NKAIN3: variants seen among roughly 807,000 people sequenced by gnomAD.
NKAIN3 encodes the protein sodium/potassium transporting ATPase interacting 3.
NKAIN3 carries 25 observed loss-of-function variants against 30.2 expected under a neutral mutation model. That is an observed-to-expected ratio of 0.83 (90% CI 0.60 to 1.16). The LOEUF (loss-of-function observed/expected upper bound fraction) is 1.16, where lower values mean the gene tolerates loss of function less well. Among genes scored for constraint, NKAIN3 ranks in the 50% most tolerant of loss-of-function variants. The pLI is 0.00. For synonymous variants in NKAIN3, 91 were observed against 89.6 expected, an observed-to-expected ratio of 1.02 and a Z score of -0.09; for missense variants, 225 against 254.1, an observed-to-expected ratio of 0.89 and a Z score of 0.78.
Position 62,919,480 on chromosome 8 carries a change from C to T in NKAIN3, c.532+967C>T, listed in dbSNP as rs1366684384. On this transcript the variant is annotated intron_variant, in intron 5 of 6. Coordinates refer to ENST00000623646, the MANE Select transcript of NKAIN3 (RefSeq NM_001304533.3). ...CAGGATGGTCTCGATCTCCTGACCTCGTGATCCACCCGCCTCGGCCTCCCA... is the reference window on the plus strand; with the variant it reads ...CAGGATGGTCTCGATCTCCTGACCTTGTGATCCACCCGCCTCGGCCTCCCA... Among the ~76,000 whole-genome samples, 5 of 151,882 alleles carry T rather than the reference C, an allele frequency of 3.3e-5. No homozygotes were observed. The South Asian group carries it at 6.2e-4, about 19-fold the overall frequency.
chr8:62,460,346 G>T (rs1805956897), intron 1 of NKAIN3, among the ~76,000 whole-genome samples: 3 of 151,578 alleles, frequency 2.0e-5, no homozygotes, highest in Non-Finnish European at 4.4e-5. Flanking sequence ...CAGGAGGCTG[G>T]GTTGCCGTGA....
intron 1 of NKAIN3, among the ~76,000 whole-genome samples, chr8:62,288,025 A>G (rs2882743): frequency 0.027 from 4,132 of 152,230 alleles, 174 homozygotes; most frequent in African/African-American, 0.092. Context: ...TAGCCTATGA[A>G]GGCTTTTATT....
rs1823840412 is a variant in NKAIN3 at position 62,971,782 on chromosome 8, G to GA, written c.*6381dup. ...TTGTAGTACTTTATAACACATTCTA[G>GA]AAAAAATGTACATATATTCTTCAGT... On this transcript the variant is annotated 3_prime_UTR_variant, in exon 7 of 7. Transcript: ENST00000623646. Among the ~76,000 whole-genome samples, 2 of 152,124 alleles carry GA rather than the reference G, an allele frequency of 1.3e-5. No homozygotes were observed. Among genetic ancestry groups the GA allele is most frequent in the African/African-American group, 4.8e-5 (2 of 41,428 alleles).
chr8:62,964,528 G>GAA, intron 6 of NKAIN3, among the ~76,000 whole-genome samples: 1 of 106,406 alleles, frequency 9.4e-6, no homozygotes, highest in East Asian at 3.4e-4. Flanking sequence ...GAGAAAGAGA[G>GAA]AGAGAGAGAG....
chr8:62,599,368 A>G (rs1810924707), intron 3 of NKAIN3, among the ~76,000 whole-genome samples: 1 of 152,030 alleles, frequency 6.6e-6, no homozygotes, highest in African/African-American at 2.4e-5. Context: ...GTCTGTCTAT[A>G]CTTGGGTAAT....
At chr8:62,609,648 A>C (rs1163913445) in intron 3 of NKAIN3, among the ~76,000 whole-genome samples, 1 of 152,168 alleles carries the variant, frequency 6.6e-6, no homozygotes, top group African/African-American at 2.4e-5. Flanking sequence ...ATTAAGTGCT[A>C]TCAAGAGAAA....
intron 3 of NKAIN3, among the ~76,000 whole-genome samples, chr8:62,667,317 A>T (rs980042668): frequency 7.8e-6 from 1 of 127,822 alleles, no homozygotes; most frequent in African/African-American, 3.7e-5. Flanking sequence ...ATATATATTT[A>T]TATATATATA....
chr8:62,949,685 C>T lies in NKAIN3; in HGVS notation c.533-4217C>T, dbSNP rs181315988. Among the ~76,000 whole-genome samples, 27 of 151,436 alleles carry T rather than the reference C, an allele frequency of 1.8e-4. No individual in the cohort carries two copies. The East Asian group carries it at 4.7e-3, about 26-fold the overall frequency. On this transcript the variant is annotated intron_variant, in intron 5 of 6. Transcript: ENST00000623646. ...AGAGAGCAGCCCACTGTGTGGCTGG[C>T]TTTTCTGGATAGTTGATGCCAACCC...
chr8:62,518,925 A>G (rs578051840), intron 1 of NKAIN3, among the ~76,000 whole-genome samples: 1 of 152,142 alleles, frequency 6.6e-6, no homozygotes, highest in African/African-American at 2.4e-5. Context: ...TCTACTATGA[A>G]GGGATTTACT....
Position 62,976,377 on chromosome 8 carries a change from G to A in NKAIN3, c.*10970G>A, listed in dbSNP as rs1230165968. 2.0e-5 allele frequency among the ~76,000 whole-genome samples: 3 copies of A among 151,950 alleles called. No individual in the cohort carries two copies. Among genetic ancestry groups the A allele is most frequent in the Non-Finnish European group, 4.4e-5 (3 of 67,978 alleles). On this transcript the variant is annotated 3_prime_UTR_variant, in exon 7 of 7. Coordinates refer to ENST00000623646, the MANE Select transcript of NKAIN3 (RefSeq NM_001304533.3). Reference sequence around the variant, plus strand: ...ATGAATCTGGGTGCTCCACTATTAGGTGCATACATATTTAGGATAGTTAGC... The same window carrying A: ...ATGAATCTGGGTGCTCCACTATTAGATGCATACATATTTAGGATAGTTAGC...
At chr8:62,378,871 A>G (rs1294684034) in intron 1 of NKAIN3, among the ~76,000 whole-genome samples, 1 of 152,174 alleles carries the variant, frequency 6.6e-6, no homozygotes, top group Non-Finnish European at 1.5e-5. Context: ...GGCACTGCAT[A>G]GTGGAACTCT....
intron 6 of NKAIN3, among the ~76,000 whole-genome samples, chr8:62,955,205 C>G (rs1257454355): frequency 1.3e-5 from 2 of 152,134 alleles, no homozygotes; most frequent in Non-Finnish European, 2.9e-5. Flanking sequence ...CACAAATCAG[C>G]ACTGTGCCTG....
At chr8:62,494,352 T>C (rs1807166413) in intron 1 of NKAIN3, among the ~76,000 whole-genome samples, 1 of 152,228 alleles carries the variant, frequency 6.6e-6, no homozygotes, top group Non-Finnish European at 1.5e-5. Flanking sequence ...GAACCAACCT[T>C]GCATCCCAGG....
intron 1 of NKAIN3, chr8:62,474,417 G>A (rs1203431614): frequency 6.6e-6 from 1 of 152,112 alleles, no homozygotes; most frequent in African/African-American, 2.4e-5. Context: ...GTGCTGGCAG[G>A]TCACTTTTGA....
rs531203692 is a variant in NKAIN3 at position 62,847,747 on chromosome 8, C to T, written c.472-70706C>T. ...TGCTTCTAGCATCTTGGTCATGAAA[C>T]TTTGCCCGTGCTTATGTCCTGAATG... On this transcript the variant is annotated intron_variant, in intron 4 of 6. Transcript: ENST00000623646. 9.2e-5 allele frequency among the ~76,000 whole-genome samples: 14 copies of T among 152,114 alleles called. No individual in the cohort carries two copies. The East Asian group carries it at 2.1e-3, about 23-fold the overall frequency.
chr8:62,828,375 A>G (rs572937432), intron 4 of NKAIN3, among the ~76,000 whole-genome samples: 2 of 152,324 alleles, frequency 1.3e-5, no homozygotes, highest in East Asian at 3.9e-4. Context: ...ATAGAACTGC[A>G]AAATACATGC....
At chr8:62,825,325 G>A (rs1818986032) in intron 4 of NKAIN3, among the ~76,000 whole-genome samples, 1 of 152,136 alleles carries the variant, frequency 6.6e-6, no homozygotes, top group Non-Finnish European at 1.5e-5. Context: ...ATCTTTTATT[G>A]GAGATTCAAC....
At chr8:62,494,194 C>T (rs1371401707) in intron 1 of NKAIN3, among the ~76,000 whole-genome samples, 6 of 152,086 alleles carry the variant, frequency 3.9e-5, no homozygotes, top group Admixed American at 6.6e-5. Context: ...TGGTATGTTC[C>T]TTCAATAACT....
chr8:62,257,809 T>G (rs1321474207), intron 1 of NKAIN3, among the ~76,000 whole-genome samples: 3 of 152,198 alleles, frequency 2.0e-5, no homozygotes, highest in Non-Finnish European at 4.4e-5. Context: ...GTAGTTATTA[T>G]TCTTTATAAA....
Sources: gnomAD v4.1 joint callset for allele counts (sites outside exome capture counted in the v4.1 genomes callset) on GRCh38, gnomAD v4.1.1 for gene constraint, MANE v1.5 for transcripts, NCBI Gene and HGNC (gene_info 2026-07-23, HGNC 2026-07-21) for gene names.